Variants in CLASP1 observed in about 807,000 individuals in gnomAD.
CLASP1 encodes cytoplasmic linker associated protein 1.
Under a neutral mutation model 192.3 loss-of-function variants are expected in CLASP1, and 38 were observed. The ratio of observed to expected loss-of-function variants is 0.20; its 90% CI spans 0.15 to 0.26. The LOEUF (loss-of-function observed/expected upper bound fraction) is 0.26. Among genes scored for constraint, CLASP1 ranks in the 10% least tolerant of loss-of-function variants. The pLI is 1.00. For synonymous variants in CLASP1, 691 were observed against 712.8 expected (o/e 0.97, Z 0.49); for missense variants, 1,433 against 1,932.5 (o/e 0.74, Z 4.85).
intron 19 of CLASP1, among the ~76,000 whole-genome samples, chr2:121,439,828 G>GC (rs1559199275): frequency 6.7e-6 from 1 of 149,506 alleles, no homozygotes; most frequent in South Asian, 2.1e-4. Flanking sequence ...GTAAACTATC[G>GC]CAAGAACAAA....
rs757326320 is a variant in CLASP1, at chr2:121,363,310, A to C, written c.4078-10T>G. 26 of 1,613,216 alleles carry C rather than the reference A, an allele frequency of 1.6e-5. No homozygotes were observed. Among genetic ancestry groups the C allele is most frequent in the Non-Finnish European group, 2.2e-5 (26 of 1,179,728 alleles). ...GTGCTCGAATTGAATGCTAGAATAC[A>C]AAGGGAAAGGAAGACATCACCAAAC... On this transcript the variant is annotated splice_polypyrimidine_tract_variant and intron_variant, in intron 36 of 39. Transcript: ENST00000263710.
At chr2:121,454,978 G>GT (rs1177506169) in intron 14 of CLASP1, among the ~76,000 whole-genome samples, 1 of 152,188 alleles carries the variant, frequency 6.6e-6, no homozygotes, top group African/African-American at 2.4e-5. Flanking sequence ...AGTCAAACGA[G>GT]TAAGTGGGAG....
At chr2:121,577,656 G>T (rs1266867912) in intron 2 of CLASP1, among the ~76,000 whole-genome samples, 1 of 152,050 alleles carries the variant, frequency 6.6e-6, no homozygotes, top group East Asian at 1.9e-4. Flanking sequence ...GAGGCAACAG[G>T]GTTCAAGTTT....
At position 121,460,127 on chromosome 2, in the gene CLASP1, T is replaced by TA. The variant is rs759376076; in HGVS notation, c.1033-3dup. 1 of 1,607,572 alleles carries TA rather than the reference T, an allele frequency of 6.2e-7. No homozygotes were observed. Among genetic ancestry groups the TA allele is most frequent in the Non-Finnish European group, 8.5e-7 (1 of 1,177,184 alleles). On this transcript the variant is annotated splice_polypyrimidine_tract_variant and splice_region_variant and intron_variant, in intron 11 of 39. Transcript: ENST00000263710. ...AAGTAAAGATCTAATCTTTTTTAGC[T>TA]AATGGAATAGAGAAAATTCAGAAAA...
chr2:121,383,768 A>T (rs1049761425), intron 32 of CLASP1, among the ~76,000 whole-genome samples: 1 of 151,744 alleles, frequency 6.6e-6, no homozygotes, highest in Admixed American at 6.6e-5. Context: ...TTTACCGTAA[A>T]ATCATATTGG....
At chr2:121,408,216 T>C (rs1401900161) in intron 24 of CLASP1, among the ~76,000 whole-genome samples, 3 of 152,230 alleles carry the variant, frequency 2.0e-5, no homozygotes, top group Non-Finnish European at 4.4e-5. Flanking sequence ...GCACAGTCTA[T>C]GGGTAAACTT....
At chr2:121,357,613 G>A (rs183731474) in intron 37 of CLASP1, among the ~76,000 whole-genome samples, 4 of 152,240 alleles carry the variant, frequency 2.6e-5, no homozygotes, top group African/African-American at 9.6e-5. Context: ...CTGGCTCCTT[G>A]AGAGTCAGTT....
At chr2:121,383,560 G>C (rs916092164) in intron 32 of CLASP1, among the ~76,000 whole-genome samples, 1 of 152,036 alleles carries the variant, frequency 6.6e-6, no homozygotes, top group Non-Finnish European at 1.5e-5. Flanking sequence ...CCATACTCTG[G>C]ATCCTCTCAC....
chr2:121,530,912 C>T lies in CLASP1; in HGVS notation c.196-587G>A, dbSNP rs566340581. The T allele has an allele frequency of 1.5e-4, 105 of 699,170 alleles. No homozygotes were observed. Among genetic ancestry groups the T allele is most frequent in the Middle Eastern group, 7.3e-4 (2 of 2,730 alleles). 43.3% of individuals were successfully genotyped at this position (699,170 alleles called of 1,614,324 possible). A position where few individuals can be genotyped will look rare whatever the true frequency, so the allele number is the denominator to read the frequency against. ...CTTTTCTTGGGGTTGCGCTACTGTC[C>T]AATGAGCGCATAGTGAGGGCAGTAC... is the stretch of plus-strand genomic sequence containing the variant. On this transcript the variant is annotated intron_variant, in intron 2 of 39. Transcript: ENST00000263710.
At chr2:121,526,825 A>C (rs1284841262) in intron 5 of CLASP1, among the ~76,000 whole-genome samples, 1 of 152,216 alleles carries the variant, frequency 6.6e-6, no homozygotes, top group Admixed American at 6.5e-5. Context: ...ATAATCAGAA[A>C]AAAAGGCTTG....
chr2:121,521,963 G>C (rs1192079884), intron 6 of CLASP1, among the ~76,000 whole-genome samples: 2 of 152,108 alleles, frequency 1.3e-5, no homozygotes, highest in Non-Finnish European at 2.9e-5. Flanking sequence ...GAGACTAGTA[G>C]GAAAGATTAA....
intron 1 of CLASP1, among the ~76,000 whole-genome samples, chr2:121,638,029 C>A (rs1431707163): frequency 6.6e-6 from 1 of 152,026 alleles, no homozygotes; most frequent in African/African-American, 2.4e-5. Flanking sequence ...AGACAACCTA[C>A]CCAGAGTGAG....
intron 2 of CLASP1, among the ~76,000 whole-genome samples, chr2:121,592,836 T>C (rs1443074861): frequency 2.6e-5 from 4 of 152,086 alleles, no homozygotes; most frequent in Non-Finnish European, 4.4e-5. Flanking sequence ...GTATTTTTAG[T>C]AGAGACGGGG....
At position 121,436,322 on chromosome 2, in the gene CLASP1, T is replaced by C. The variant is rs1304622380; in HGVS notation, c.1913-6145A>G. Among the ~76,000 whole-genome samples the C allele has an allele frequency of 2.0e-5, 3 of 151,778 alleles. No individual in the cohort carries two copies. The East Asian group carries it at 5.9e-4, about 30-fold the overall frequency. ...ATTGGGATTAAGGCGTGAGCCACCGTACCTGGCCTTACTATGATATGTTTA... is the reference window on the plus strand; with the variant it reads ...ATTGGGATTAAGGCGTGAGCCACCGCACCTGGCCTTACTATGATATGTTTA... On this transcript the variant is annotated intron_variant, in intron 19 of 39. Coordinates refer to ENST00000263710, the Ensembl canonical transcript of CLASP1.
Position 121,525,812 on chromosome 2 carries a change from T to C in CLASP1, c.546+33A>G. 2.6e-6 allele frequency: 4 copies of C among 1,515,624 alleles called. No individual in the cohort carries two copies. In the South Asian group the frequency reaches 3.4e-5, roughly 13 times the overall value. The allele number at this position is 1,515,624 out of a possible 1,614,324, so 93.9% of individuals were successfully genotyped here. Reference sequence around the variant, plus strand: ...ATGCATCTCAACAGTCTGTAAGCAATGACTTCTCCCGAGGGTTTTCCTTCT... The same window carrying C: ...ATGCATCTCAACAGTCTGTAAGCAACGACTTCTCCCGAGGGTTTTCCTTCT... On this transcript the variant is annotated intron_variant, in intron 6 of 39. Transcript: ENST00000263710.
intron 2 of CLASP1, among the ~76,000 whole-genome samples, chr2:121,559,579 T>A (rs911250072): frequency 6.6e-6 from 1 of 152,092 alleles, no homozygotes; most frequent in African/African-American, 2.4e-5. Flanking sequence ...AGAAGTCAGA[T>A]ACCAAAGACC....
intron 8 of CLASP1, among the ~76,000 whole-genome samples, chr2:121,472,161 C>T (rs1172788784): frequency 6.6e-6 from 1 of 152,158 alleles, no homozygotes; most frequent in East Asian, 1.9e-4. Context: ...CTCACAAATT[C>T]ATGTAAATTA....
Position 121,530,198 on chromosome 2 carries a change from G to C in CLASP1, c.274+49C>G, listed in dbSNP as rs762417507. 5.4e-6 allele frequency: 8 copies of C among 1,487,130 alleles called. No homozygotes were observed. In the South Asian group the frequency reaches 9.8e-5, roughly 18 times the overall value. The allele number at this position is 1,487,130 out of a possible 1,614,324, so 92.1% of individuals were successfully genotyped here. A position where few individuals can be genotyped will look rare whatever the true frequency, so the allele number is the denominator to read the frequency against. ...TGGGAGCCGGGGAGGCCGAGGGAAGGCTGGGGGTCTGAAGGGGCCGGGTCC... is the reference window on the plus strand; with the variant it reads ...TGGGAGCCGGGGAGGCCGAGGGAAGCCTGGGGGTCTGAAGGGGCCGGGTCC... On this transcript the variant is annotated intron_variant, in intron 3 of 39. Coordinates refer to ENST00000263710, the Ensembl canonical transcript of CLASP1.
intron 1 of CLASP1, among the ~76,000 whole-genome samples, chr2:121,615,280 A>C (rs1469194331): frequency 6.6e-6 from 1 of 152,220 alleles, no homozygotes; most frequent in Non-Finnish European, 1.5e-5. Flanking sequence ...TGGAGGTTGC[A>C]GCGAGCCAAG....
Sources: allele counts gnomAD v4.1 joint callset (sites outside exome capture counted in the v4.1 genomes callset), GRCh38; gene constraint gnomAD v4.1.1; transcripts MANE v1.5; gene names NCBI Gene and HGNC (gene_info 2026-07-23, HGNC 2026-07-21).